The following TRIP11 variants were observed in gnomAD, a reference collection of about 807,000 sequenced individuals.
TRIP11 encodes thyroid receptor-interacting protein 11.
Under a neutral mutation model 223.1 loss-of-function variants are expected in TRIP11, and 148 were observed. The observed-to-expected ratio is 0.66, with a 90% CI of 0.58 to 0.76. The LOEUF (loss-of-function observed/expected upper bound fraction) is 0.76, where lower values mean the gene tolerates loss of function less well. TRIP11 is among the 30% of genes least tolerant of loss of function. The probability of loss-of-function intolerance (pLI) is 0.00; values close to 1 mark genes in which losing one functional copy is unlikely to be tolerated. For synonymous variants in TRIP11, 762 were observed against 772.6 expected, an observed-to-expected ratio of 0.99 and a Z score of 0.23; for missense variants, 2,043 against 2,222.0, an observed-to-expected ratio of 0.92 and a Z score of 1.62.
chr14:92,031,632 G>C (rs576489920), intron 2 of TRIP11, among the ~76,000 whole-genome samples: 1 of 152,246 alleles, frequency 6.6e-6, no homozygotes, highest in South Asian at 2.1e-4. Context: ...AAATCTATTA[G>C]AGAGGTAACT....
At chr14:92,025,461 A>G in intron 2 of TRIP11, 41 bp from the exon 3 acceptor site, 1 of 1,424,102 alleles carries the variant, frequency 7.0e-7, no homozygotes, top group Non-Finnish European at 9.8e-7. Flanking sequence ...ACTGCAAGTA[A>G]AACATGTAAT....
intron 2 of TRIP11, among the ~76,000 whole-genome samples, chr14:92,028,310 A>C (rs2057215667): frequency 6.6e-6 from 1 of 152,192 alleles, no homozygotes; most frequent in Non-Finnish European, 1.5e-5. Flanking sequence ...CTGTAATCTC[A>C]GCACTTTGGG....
intron 1 of TRIP11, among the ~76,000 whole-genome samples, chr14:92,034,050 G>C (rs2057297230): frequency 6.6e-6 from 1 of 152,154 alleles, no homozygotes. Context: ...CACTCCCTCT[G>C]TATGTGTTTT....
Position 91,968,877 on chromosome 14 carries a change from T to C in TRIP11, c.*796A>G, listed in dbSNP as rs2056366834. On this transcript the variant is annotated 3_prime_UTR_variant, in exon 21 of 21. Coordinates refer to ENST00000267622, the MANE Select transcript of TRIP11 (RefSeq NM_004239.4). ...AGAGGGCCAGGGAGAGAGGTGGCAA[T>C]GATTATGAGAGGGCAACACAGGGGG... The C allele has an allele frequency of 4.3e-6, 1 of 233,072 alleles. No individual in the cohort carries two copies. Among genetic ancestry groups the C allele is most frequent in the Non-Finnish European group, 8.5e-6 (1 of 117,440 alleles). The allele number at this position is 233,072 out of a possible 1,614,324, so 14.4% of individuals were successfully genotyped here. A position where few individuals can be genotyped will look rare whatever the true frequency, so the allele number is the denominator to read the frequency against.
At chr14:91,980,023 A>G (rs547501959) in intron 16 of TRIP11, among the ~76,000 whole-genome samples, 1 of 152,080 alleles carries the variant, frequency 6.6e-6, no homozygotes, top group East Asian at 1.9e-4. Context: ...AAAGTTCAGC[A>G]ATAAAGCAAC....
At chr14:91,974,299 A>G (rs1013427699) in intron 19 of TRIP11, among the ~76,000 whole-genome samples, 2 of 152,246 alleles carry the variant, frequency 1.3e-5, no homozygotes, top group Non-Finnish European at 2.9e-5. Context: ...TGGAACATAC[A>G]TAGACGAATA....
chr14:91,975,350 C>T, intron 17 of TRIP11, 64 bp from the exon 18 acceptor site: 2 of 1,050,242 alleles, frequency 1.9e-6, no homozygotes, highest in South Asian at 2.6e-5. Context: ...AAACACTAAG[C>T]ATAGAAATAT....
intron 3 of TRIP11, among the ~76,000 whole-genome samples, chr14:92,023,524 C>G (rs572292648): frequency 8.0e-4 from 122 of 152,334 alleles, no homozygotes; most frequent in African/African-American, 2.9e-3. Context: ...TGGCATCAAA[C>G]TGGCACTCAA....
At position 92,033,257 on chromosome 14, in the gene TRIP11, C is replaced by T. The variant is rs917509135; in HGVS notation, c.140-4G>A. 1.9e-6 allele frequency: 3 copies of T among 1,607,670 alleles called. No individual in the cohort carries two copies. Among genetic ancestry groups the T allele is most frequent in the Non-Finnish European group, 2.6e-6 (3 of 1,174,748 alleles). ...GTCCTAGAATCAGGTAATTCTGCTACAAGAGAAATAACAAATATTGAATAT... is the reference window on the plus strand; with the variant it reads ...GTCCTAGAATCAGGTAATTCTGCTATAAGAGAAATAACAAATATTGAATAT... On this transcript the variant is annotated splice_polypyrimidine_tract_variant and splice_region_variant and intron_variant, in intron 1 of 20. Coordinates refer to ENST00000267622, the MANE Select transcript of TRIP11 (RefSeq NM_004239.4).
At chr14:91,983,993 G>A (rs1236398438) in intron 16 of TRIP11, among the ~76,000 whole-genome samples, 1 of 151,836 alleles carries the variant, frequency 6.6e-6, no homozygotes, top group African/African-American at 2.4e-5. Context: ...AAGTTTTACT[G>A]GGACTCATTT....
chr14:92,029,309 TTTTTGA>T, intron 2 of TRIP11, among the ~76,000 whole-genome samples: 1 of 86,950 alleles, frequency 1.2e-5, no homozygotes, highest in Admixed American at 1.3e-4. Context: ...TTTTTTTTTT[TTTTTGA>T]GATGGAGTCT....
intron 15 of TRIP11, among the ~76,000 whole-genome samples, chr14:91,988,634 A>G (rs1227090076): frequency 2.2e-5 from 1 of 45,858 alleles, no homozygotes; most frequent in Non-Finnish European, 4.8e-5. Context: ...TGACAGAAGT[A>G]AAAAAAAAAA....
intron 11 of TRIP11, 21 bp from the exon 12 acceptor site, chr14:92,000,129 T>C: frequency 6.2e-7 from 1 of 1,613,468 alleles, no homozygotes; most frequent in Non-Finnish European, 8.5e-7. Context: ...GAAAAAATTT[T>C]AGCTTTAAAA....
intron 13 of TRIP11, among the ~76,000 whole-genome samples, chr14:91,997,597 G>T (rs941910468): frequency 6.6e-6 from 1 of 152,136 alleles, no homozygotes; most frequent in South Asian, 2.1e-4. Context: ...AAGATTCATA[G>T]AACAACTTGC....
chr14:92,031,217 C>T (rs949609416), intron 2 of TRIP11, among the ~76,000 whole-genome samples: 2 of 152,110 alleles, frequency 1.3e-5, no homozygotes, highest in African/African-American at 4.8e-5. Flanking sequence ...ATCCCGGGTT[C>T]AAGTGATTCT....
Position 92,015,702 on chromosome 14 carries a change from G to A in TRIP11, c.817C>T (p.Gln273Ter). 6.2e-7 allele frequency: 1 copy of A among 1,608,288 alleles called. No homozygotes were observed. Among genetic ancestry groups the A allele is most frequent in the Non-Finnish European group, 8.5e-7 (1 of 1,177,564 alleles). Reference sequence around the variant, plus strand: ...AAGAAATAAAACTAATAACCTTGTTGTAACAGATTTTCAAGTTCTTCAATT... The same window carrying A: ...AAGAAATAAAACTAATAACCTTGTTATAACAGATTTTCAAGTTCTTCAATT... ...ERIEELENLL[Q>*]QGGSGVIETD... Residue 273 changes from glutamine (Q) to a stop codon, truncating the protein, a stop_gained, in exon 6 of 21, where the codon CAA becomes TAA. Coordinates refer to ENST00000267622, the MANE Select transcript of TRIP11 (RefSeq NM_004239.4). LOFTEE classifies it high-confidence loss of function.
chr14:92,000,968 C>A (rs2056818549), intron 11 of TRIP11, among the ~76,000 whole-genome samples: 1 of 151,194 alleles, frequency 6.6e-6, no homozygotes, highest in Non-Finnish European at 1.5e-5. Context: ...TCAAGCAGTT[C>A]TCGTGCCTCA....
intron 3 of TRIP11, among the ~76,000 whole-genome samples, chr14:92,023,584 C>A (rs1328862891): frequency 6.6e-6 from 1 of 152,196 alleles, no homozygotes; most frequent in African/African-American, 2.4e-5. Context: ...GCTCAACCTG[C>A]ACCAGGGCCT....
rs74071650 is a variant in TRIP11 at position 91,967,600 on chromosome 14, A to G, written c.*2073T>C. The G allele has an allele frequency of 0.03, 6,058 of 199,786 alleles. 318 individuals carry two copies. Among genetic ancestry groups the G allele is most frequent in the African/African-American group, 0.12 (5,144 of 43,518 alleles). The allele number at this position is 199,786 out of a possible 1,614,324, so 12.4% of individuals were successfully genotyped here. A position where few individuals can be genotyped will look rare whatever the true frequency, so the allele number is the denominator to read the frequency against. ...CAAGTTGTTTTGGTCAGAGAAGGAA[A>G]TACTCAAAAATGTCACAAAAGGCAT... is the stretch of plus-strand genomic sequence containing the variant. On this transcript the variant is annotated 3_prime_UTR_variant, in exon 21 of 21. Coordinates refer to ENST00000267622, the MANE Select transcript of TRIP11 (RefSeq NM_004239.4).
Sources: allele counts gnomAD v4.1 joint callset (sites outside exome capture counted in the v4.1 genomes callset), GRCh38; gene constraint gnomAD v4.1.1; transcripts MANE v1.5; gene names NCBI Gene and HGNC (gene_info 2026-07-23, HGNC 2026-07-21).